Variants in KAZN observed in about 807,000 individuals in gnomAD.
KAZN encodes the protein kazrin.
Under a neutral mutation model 87.4 loss-of-function variants are expected in KAZN, and 40 were observed. That is an observed-to-expected ratio of 0.46 (90% CI 0.36 to 0.60). The LOEUF is 0.60. Among genes scored for constraint, KAZN ranks in the 20% least tolerant of loss-of-function variants. The pLI is 0.00. For synonymous variants in KAZN, 466 were observed against 458.3 expected (o/e 1.02, Z -0.22); for missense variants, 898 against 1,073.9 (o/e 0.84, Z 2.29).
At chr1:13,912,462 C>G (rs1436006660) in intron 1 of KAZN, among the ~76,000 whole-genome samples, 2 of 152,142 alleles carry the variant, frequency 1.3e-5, no homozygotes. Context: ...CAGGGCTGGG[C>G]TTCTCTTCCT....
At chr1:14,552,965 A>G (rs1368631563) in intron 2 of KAZN, among the ~76,000 whole-genome samples, 2 of 152,146 alleles carry the variant, frequency 1.3e-5, no homozygotes, top group African/African-American at 4.8e-5. Flanking sequence ...ACTGCAGCCC[A>G]TCAAACTGGG....
chr1:15,070,228 G>A (rs1475498107), intron 8 of KAZN, among the ~76,000 whole-genome samples: 1 of 152,190 alleles, frequency 6.6e-6, no homozygotes, highest in South Asian at 2.1e-4. Flanking sequence ...AAGGCCCCTT[G>A]CCCACCAGTA....
At chr1:14,870,931 C>T (rs2101057170) in intron 1 of KAZN, among the ~76,000 whole-genome samples, 1 of 152,356 alleles carries the variant, frequency 6.6e-6, no homozygotes, top group East Asian at 1.9e-4. Flanking sequence ...GCCGCCTCCA[C>T]ACCTGCCTGG....
chr1:13,905,171 C>A (rs1639392070), intron 1 of KAZN, among the ~76,000 whole-genome samples: 1 of 152,224 alleles, frequency 6.6e-6, no homozygotes, highest in East Asian at 1.9e-4. Context: ...TTTATTTAAT[C>A]ATTTAAAATT....
At chr1:14,307,717 T>C (rs756212063) in intron 2 of KAZN, among the ~76,000 whole-genome samples, 6 of 152,190 alleles carry the variant, frequency 3.9e-5, no homozygotes, top group Non-Finnish European at 7.4e-5. Flanking sequence ...AGCCCTCATA[T>C]ACAAAGAGGC....
chr1:14,247,403 G>T (rs749806425), intron 2 of KAZN, among the ~76,000 whole-genome samples: 3 of 152,164 alleles, frequency 2.0e-5, no homozygotes, highest in Non-Finnish European at 2.9e-5. Context: ...GTGTTAGAAT[G>T]CGCTATCAAA....
intron 2 of KAZN, among the ~76,000 whole-genome samples, chr1:14,999,470 T>A (rs939934888): frequency 6.6e-6 from 1 of 150,586 alleles, no homozygotes; most frequent in Non-Finnish European, 1.5e-5. Flanking sequence ...TCCTACCCAG[T>A]GCGTTCAGCC....
chr1:14,529,947 A>G (rs1193131145), intron 2 of KAZN, among the ~76,000 whole-genome samples: 1 of 152,200 alleles, frequency 6.6e-6, no homozygotes, highest in Non-Finnish European at 1.5e-5. Flanking sequence ...GAACTTGCAG[A>G]ACACAGCATA....
intron 3 of KAZN, among the ~76,000 whole-genome samples, chr1:15,036,186 G>A (rs114037461): frequency 0.021 from 2,573 of 123,236 alleles, 35 homozygotes; most frequent in African/African-American, 0.041. Flanking sequence ...TGCCCGACTC[G>A]AGAGCAGGGC....
chr1:14,346,676 G>A (rs1658133836), intron 2 of KAZN, among the ~76,000 whole-genome samples: 1 of 152,078 alleles, frequency 6.6e-6, no homozygotes, highest in African/African-American at 2.4e-5. Context: ...CAGGATTGAG[G>A]TGGCGCCCAG....
At chr1:13,954,492 G>T (rs1641468505) in intron 1 of KAZN, among the ~76,000 whole-genome samples, 1 of 152,208 alleles carries the variant, frequency 6.6e-6, no homozygotes, top group African/African-American at 2.4e-5. Flanking sequence ...ATGAGTGCAT[G>T]CAGAATGGAT....
intron 2 of KAZN, among the ~76,000 whole-genome samples, chr1:14,430,896 G>A (rs939979383): frequency 6.6e-6 from 1 of 152,200 alleles, no homozygotes; most frequent in Admixed American, 6.5e-5. Context: ...AGGCTAGAAA[G>A]CTCATCTTCC....
At chr1:14,726,549 G>T (rs1643393153) in intron 1 of KAZN, among the ~76,000 whole-genome samples, 1 of 152,160 alleles carries the variant, frequency 6.6e-6, no homozygotes, top group East Asian at 1.9e-4. Context: ...GTGTCTGTGG[G>T]CTGGGTTGGG....
intron 2 of KAZN, among the ~76,000 whole-genome samples, chr1:14,381,236 C>T (rs1256657940): frequency 6.6e-6 from 1 of 152,140 alleles, no homozygotes; most frequent in Admixed American, 6.5e-5. Context: ...GCACCCAACA[C>T]TGGAGCACTC....
chr1:14,806,667 T>C lies in KAZN; in HGVS notation c.227-154017T>C, dbSNP rs116701241. Among the ~76,000 whole-genome samples, 623 of 152,300 alleles carry C rather than the reference T, an allele frequency of 4.1e-3. 2 individuals carry two copies. Among genetic ancestry groups the C allele is most frequent in the African/African-American group, 0.014 (582 of 41,550 alleles). ...AATTTGGGTACATTTAATTATTCAT[T>C]GATCTGTGCAGAATCTAACACACTC... On this transcript the variant is annotated intron_variant, in intron 1 of 14. Transcript: ENST00000376030.
At chr1:15,078,402 C>T (rs954212547) in intron 8 of KAZN, among the ~76,000 whole-genome samples, 2 of 151,916 alleles carry the variant, frequency 1.3e-5, no homozygotes, top group Non-Finnish European at 2.9e-5. Context: ...GAGACTCCAT[C>T]TCAAAAAAAA....
At chr1:15,080,937 C>A (rs933893417) in intron 8 of KAZN, among the ~76,000 whole-genome samples, 1 of 152,220 alleles carries the variant, frequency 6.6e-6, no homozygotes, top group Non-Finnish European at 1.5e-5. Flanking sequence ...CTACGATGCA[C>A]GGGACAGCCC....
chr1:14,121,340 C>T (rs1240643385), intron 1 of KAZN, among the ~76,000 whole-genome samples: 2 of 152,132 alleles, frequency 1.3e-5, no homozygotes, highest in Non-Finnish European at 2.9e-5. Flanking sequence ...TTACCATATA[C>T]CAACCTGAAG....
At chr1:14,385,338 T>G (rs891884939) in intron 2 of KAZN, among the ~76,000 whole-genome samples, 63 of 152,356 alleles carry the variant, frequency 4.1e-4, no homozygotes, top group African/African-American at 1.3e-3. Flanking sequence ...TTTTAGTTAT[T>G]TCTTGCCTTC....
Sources: allele counts gnomAD v4.1 joint callset (sites outside exome capture counted in the v4.1 genomes callset), GRCh38; gene constraint gnomAD v4.1.1; transcripts MANE v1.5; gene names NCBI Gene and HGNC (gene_info 2026-07-23, HGNC 2026-07-21).